PCDH15: variants seen among roughly 807,000 people sequenced by gnomAD.
PCDH15 encodes the protein protocadherin related 15.
PCDH15 carries 129 observed loss-of-function variants against 178.5 expected under a neutral mutation model. The observed-to-expected ratio is 0.72, with a 90% CI of 0.63 to 0.84. The LOEUF (loss-of-function observed/expected upper bound fraction) is 0.84, where lower values mean the gene tolerates loss of function less well. PCDH15 is among the 40% of genes least tolerant of loss of function. The pLI is 0.00. For synonymous variants in PCDH15, 800 were observed against 732.0 expected (o/e 1.09, Z -1.50); for missense variants, 2,230 against 2,099.9 (o/e 1.06, Z -1.21).
At chr10:55,400,437 C>A (rs1244590806) in intron 2 of PCDH15, among the ~76,000 whole-genome samples, 1 of 152,144 alleles carries the variant, frequency 6.6e-6, no homozygotes, top group Admixed American at 6.6e-5. Flanking sequence ...TGCATTCTAA[C>A]AGAGTGTTTC....
chr10:55,544,137 TAC>T (rs67856453), intron 2 of PCDH15, among the ~76,000 whole-genome samples: 7,135 of 51,150 alleles, frequency 0.14, 223 homozygotes, highest in East Asian at 0.18. Context: ...ATCTTATACA[TAC>T]ATATATATAT....
chr10:55,482,607 T>A (rs116858997), intron 2 of PCDH15, among the ~76,000 whole-genome samples: 1 of 151,830 alleles, frequency 6.6e-6, no homozygotes, highest in Non-Finnish European at 1.5e-5. Flanking sequence ...AAGTTCTGGA[T>A]TGGAATTTTT....
intron 2 of PCDH15, among the ~76,000 whole-genome samples, chr10:55,119,057 G>A (rs1167977208): frequency 6.6e-6 from 1 of 152,112 alleles, no homozygotes; most frequent in East Asian, 1.9e-4. Flanking sequence ...CACGTCTCCT[G>A]GTTTACCATC....
chr10:54,801,867 T>C (rs936801014), upstream of PCDH15, among the ~76,000 whole-genome samples: 1 of 152,228 alleles, frequency 6.6e-6, no homozygotes, highest in African/African-American at 2.4e-5. Context: ...TTGTAATATA[T>C]GAAATCTCCA....
intron 23 of PCDH15, among the ~76,000 whole-genome samples, chr10:53,950,424 T>G (rs1188182957): frequency 6.6e-6 from 1 of 152,140 alleles, no homozygotes; most frequent in Non-Finnish European, 1.5e-5. Context: ...AGTTGATACA[T>G]TTCCATTTTT....
intron 2 of PCDH15, among the ~76,000 whole-genome samples, chr10:54,943,564 T>C (rs1838114641): frequency 1.3e-5 from 2 of 151,914 alleles, no homozygotes; most frequent in African/African-American, 4.8e-5. Flanking sequence ...ACTGGGAAAA[T>C]TGCAAGCACA....
At chr10:55,374,657 G>A (rs1036213136) in intron 2 of PCDH15, among the ~76,000 whole-genome samples, 1 of 151,882 alleles carries the variant, frequency 6.6e-6, no homozygotes, top group Non-Finnish European at 1.5e-5. Flanking sequence ...ATTAGTATAT[G>A]TAAAAATAAA....
At chr10:54,625,625 A>G (rs1395142715) in intron 2 of PCDH15, among the ~76,000 whole-genome samples, 1 of 152,110 alleles carries the variant, frequency 6.6e-6, no homozygotes, top group Non-Finnish European at 1.5e-5. Flanking sequence ...GCCTTCCACC[A>G]TGATTGTGAG....
intron 1 of PCDH15, among the ~76,000 whole-genome samples, chr10:54,694,684 A>T (rs2095189715): frequency 6.6e-6 from 1 of 152,008 alleles, no homozygotes; most frequent in East Asian, 1.9e-4. Context: ...GGCCACCACA[A>T]ACCAGGTCCA....
Position 55,172,425 on chromosome 10 carries a change from T to G in PCDH15, c.-155-5774A>C, listed in dbSNP as rs374118700. On this transcript the variant is annotated intron_variant, in intron 1 of 5. Transcript: ENST00000458638. ...TAGGGCATAATATCCTAGAAACAGC[T>G]AAGAGAACAGTGTTTTGTTCAAAAC... Among the ~76,000 whole-genome samples the G allele has an allele frequency of 2.8e-4, 43 of 151,658 alleles. 1 individual carries two copies. The highest frequency in any genetic ancestry group is 1.0e-3 in the African/African-American group (42 of 41,434).
At chr10:54,758,507 C>A (rs74136266) in intron 1 of PCDH15, among the ~76,000 whole-genome samples, 7,542 of 152,144 alleles carry the variant, frequency 0.05, 624 homozygotes, top group African/African-American at 0.17. Flanking sequence ...GTTTATCAGG[C>A]CACAACTCCA....
At chr10:54,377,914 T>C (rs564952670) in intron 4 of PCDH15, among the ~76,000 whole-genome samples, 1 of 152,100 alleles carries the variant, frequency 6.6e-6, no homozygotes, top group Admixed American at 6.6e-5. Flanking sequence ...CCAACTACGT[T>C]GGTAATTTAG....
chr10:55,339,086 G>A (rs1372523971), intron 2 of PCDH15, among the ~76,000 whole-genome samples: 1 of 152,146 alleles, frequency 6.6e-6, no homozygotes, highest in East Asian at 1.9e-4. Flanking sequence ...GCACAATAAT[G>A]TGATCATAGT....
At chr10:54,354,370 G>A (rs76285222) in intron 5 of PCDH15, among the ~76,000 whole-genome samples, 1 of 152,192 alleles carries the variant, frequency 6.6e-6, no homozygotes, top group East Asian at 1.9e-4. Context: ...CATGCTTAAA[G>A]TAAAAAGAAA....
At chr10:54,551,585 A>G (rs1284377459) in intron 2 of PCDH15, among the ~76,000 whole-genome samples, 3 of 152,164 alleles carry the variant, frequency 2.0e-5, no homozygotes, top group Non-Finnish European at 4.4e-5. Context: ...ACTTTGGTGT[A>G]CAATGTCCCA....
intron 3 of PCDH15, among the ~76,000 whole-genome samples, chr10:54,390,929 T>C (rs1220639481): frequency 1.3e-5 from 2 of 152,120 alleles, no homozygotes; most frequent in Non-Finnish European, 2.9e-5. Flanking sequence ...TTCAGTGCCT[T>C]TTCTATAGGT....
At chr10:54,560,806 C>T (rs2088038123) in intron 2 of PCDH15, among the ~76,000 whole-genome samples, 1 of 151,926 alleles carries the variant, frequency 6.6e-6, no homozygotes, top group African/African-American at 2.4e-5. Context: ...AAAATCACCC[C>T]ATTCTTTTTT....
intron 2 of PCDH15, among the ~76,000 whole-genome samples, chr10:55,391,957 A>G (rs1284009314): frequency 1.3e-5 from 2 of 152,068 alleles, no homozygotes; most frequent in African/African-American, 2.4e-5. Flanking sequence ...TCTTCCTTTC[A>G]TTGCAACTCT....
At chr10:54,613,527 A>ACT (rs2093033216) in intron 2 of PCDH15, among the ~76,000 whole-genome samples, 1 of 146,874 alleles carries the variant, frequency 6.8e-6, no homozygotes, top group Non-Finnish European at 1.5e-5. Flanking sequence ...ACACACACTC[A>ACT]CACACATACA....
Sources: gnomAD v4.1 joint callset for allele counts (sites outside exome capture counted in the v4.1 genomes callset) on GRCh38, gnomAD v4.1.1 for gene constraint, MANE v1.5 for transcripts, NCBI Gene and HGNC (gene_info 2026-07-23, HGNC 2026-07-21) for gene names.